The following DDX42 variants were observed in gnomAD, a reference collection of about 807,000 sequenced individuals.
The protein encoded by DDX42 is ATP-dependent RNA helicase DDX42.
In DDX42, 22 loss-of-function variants were observed where a neutral mutation model predicts 101.5. The observed-to-expected ratio is 0.22, with a 90% CI of 0.15 to 0.31. DDX42 has a LOEUF of 0.31. Ranked by LOEUF, DDX42 falls within the 10% of genes least tolerant of loss-of-function variation. The pLI, the probability that DDX42 is intolerant of heterozygous loss-of-function variation, is 1.00. For missense variants in DDX42, 849 were observed against 1,199.9 expected (o/e 0.71, Z 4.32); for synonymous variants, 402 against 401.2 (o/e 1.00, Z -0.02).
At chr17:63,792,236 A>G (rs1430038778) in intron 2 of DDX42, among the ~76,000 whole-genome samples, 176 bp from the exon 3 acceptor site, 1 of 152,164 alleles carries the variant, frequency 6.6e-6, no homozygotes. Flanking sequence ...GAAATTTTGC[A>G]TGTATTAAGT....
At chr17:63,777,429 A>C (rs1181682992) in intron 1 of DDX42, among the ~76,000 whole-genome samples, 1 of 151,708 alleles carries the variant, frequency 6.6e-6, no homozygotes, top group Non-Finnish European at 1.5e-5. Context: ...TTGAGGAAGG[A>C]GATGCCATTT....
chr17:63,806,489 T>G, intron 7 of DDX42, 46 bp from the exon 8 acceptor site: 1 of 1,566,924 alleles, frequency 6.4e-7, no homozygotes, highest in Non-Finnish European at 8.7e-7. Context: ...CAAATGCTGT[T>G]AATGTTGAAG....
chr17:63,789,546 C>CGTTTTTTTTTTTTTTTTTTTT lies in DDX42; in HGVS notation c.221+2276_221+2277insGTTTTTTTTTTTTTTTTTTTT, dbSNP rs138224520. On this transcript the variant is annotated intron_variant, in intron 2 of 17. Transcript: ENST00000389924. ...ATTGGAAAAAAAAGCTTCTAAAAGA[C>CGTTTTTTTTTTTTTTTTTTTT]TTTTTTGTTTTTGTTTTTGTTTTTG... Among the ~76,000 whole-genome samples the CGTTTTTTTTTTTTTTTTTTTT allele has an allele frequency of 1.6e-5, 2 of 121,850 alleles. 1 individual carries two copies. The allele number at this position is 121,850 out of a possible 152,430, so 79.9% of individuals were successfully genotyped here. A position where few individuals can be genotyped will look rare whatever the true frequency, so the allele number is the denominator to read the frequency against.
rs138074387 is a variant in DDX42 at position 63,810,824 on chromosome 17, G to A, written c.1301-252G>A. 3.0e-4 allele frequency among the ~76,000 whole-genome samples: 46 copies of A among 152,302 alleles called. 1 individual carries two copies. Among genetic ancestry groups the A allele is most frequent in the South Asian group, 1.5e-3 (7 of 4,820 alleles). On this transcript the variant is annotated intron_variant, in intron 12 of 17. Coordinates refer to ENST00000389924, the MANE Select transcript of DDX42 (RefSeq NM_203499.3). ...AGTTTTATCAGTGGGTAGAAGCAGT[G>A]TACAGTACAGATCTGCTGATTTGAA... is the stretch of plus-strand genomic sequence containing the variant.
At position 63,774,330 on chromosome 17, in the gene DDX42, C is replaced by G. The variant is rs2039387454; in HGVS notation, c.-63C>G. On this transcript the variant is annotated 5_prime_UTR_variant, in exon 1 of 18. Transcript: ENST00000389924. ...CGCGTACTTTGGGCTCCGGGATTCG[C>G]TCCGCGCCCGCGGTTGTAGCAGCTG... 1 of 258,434 alleles carries G rather than the reference C, an allele frequency of 3.9e-6. No homozygotes were observed. The highest frequency in any genetic ancestry group is 1.2e-4 in the South Asian group (1 of 8,106). 16.0% of individuals were successfully genotyped at this position (258,434 alleles called of 1,614,324 possible).
At chr17:63,801,287 T>G (rs1242560043) in intron 6 of DDX42, among the ~76,000 whole-genome samples, 1 of 151,428 alleles carries the variant, frequency 6.6e-6, no homozygotes, top group Non-Finnish European at 1.5e-5. Flanking sequence ...GCTCCTGACC[T>G]CAGGTGATCC....
Position 63,807,770 on chromosome 17 carries a change from A to G in DDX42, c.893A>G (p.Lys298Arg), listed in dbSNP as rs771096616. ...GGTAGAGACATGATTGGTATTGCCA[A>G]AACAGGTAGTGGGAAAACTGCAGCC... ...LSGRDMIGIA[K>R]TGSGKTAAFI... The change falls in exon 9 of 18, where the codon AAA becomes AGA. Residue 298 changes from lysine (K) to arginine (R), a missense_variant. Lys to Arg is a conservative substitution (Grantham distance 26, BLOSUM62 2). Around this residue, in one of 5 missense-constraint regions of DDX42, gnomAD observed 370 missense variants for 608.8 expected, o/e 0.61. Coordinates refer to ENST00000389924, the MANE Select transcript of DDX42 (RefSeq NM_203499.3). 1.7e-5 allele frequency: 28 copies of G among 1,613,994 alleles called. No homozygotes were observed. Among genetic ancestry groups the G allele is most frequent in the Non-Finnish European group, 2.4e-5 (28 of 1,180,026 alleles).
At chr17:63,808,226 G>A (rs1035707299) in intron 9 of DDX42, among the ~76,000 whole-genome samples, 3 of 152,104 alleles carry the variant, frequency 2.0e-5, no homozygotes, top group African/African-American at 4.8e-5. Flanking sequence ...TGCCCAGGCT[G>A]GAGTGCAGTG....
intron 1 of DDX42, among the ~76,000 whole-genome samples, chr17:63,784,029 A>C (rs2039518622): frequency 6.6e-6 from 1 of 152,118 alleles, no homozygotes; most frequent in South Asian, 2.1e-4. Context: ...GTACCACTGC[A>C]CTCCAGCCTG....
intron 4 of DDX42, 71 bp from the exon 5 acceptor site, chr17:63,799,518 T>C (rs1179345005): frequency 1.3e-6 from 2 of 1,565,178 alleles, no homozygotes; most frequent in Non-Finnish European, 1.7e-6. Flanking sequence ...TCAACACTAA[T>C]CTGCTGTAAG....
intron 1 of DDX42, among the ~76,000 whole-genome samples, chr17:63,782,623 A>T (rs2039502264): frequency 6.6e-6 from 1 of 152,136 alleles, no homozygotes; most frequent in South Asian, 2.1e-4. Flanking sequence ...ATCCTAATTG[A>T]TCTTTCCTCA....
intron 6 of DDX42, among the ~76,000 whole-genome samples, chr17:63,803,117 G>C (rs2039793011): frequency 2.6e-5 from 4 of 152,044 alleles, no homozygotes; most frequent in Admixed American, 2.6e-4. Flanking sequence ...TTTTCCAAAT[G>C]ATCAATGTAT....
chr17:63,817,008 C>T (rs1330406354), intron 17 of DDX42, 42 bp downstream of exon 17: 1 of 1,571,950 alleles, frequency 6.4e-7, no homozygotes, highest in African/African-American at 1.4e-5. Context: ...TCAGCAGTAA[C>T]TCTTGGGCAG....
intron 5 of DDX42, chr17:63,800,266 G>T: frequency 1.8e-6 from 1 of 540,830 alleles, no homozygotes; most frequent in Non-Finnish European, 3.2e-6. Flanking sequence ...ACATTTAATA[G>T]TACTAACTGT....
At position 63,811,177 on chromosome 17, in the gene DDX42, A is replaced by G. The variant is rs368381657; in HGVS notation, c.1398+4A>G. On this transcript the variant is annotated splice_donor_region_variant and intron_variant, in intron 13 of 17. Transcript: ENST00000389924. ...GGTGCAGGGAGATATTGGAGAGGTA[A>G]CCCTAAGCAGGGCTGGATGGGACCT... The G allele has an allele frequency of 1.4e-5, 23 of 1,610,978 alleles. No homozygotes were observed. The highest frequency in any genetic ancestry group is 1.9e-5 in the Non-Finnish European group (22 of 1,178,090).
intron 1 of DDX42, chr17:63,775,201 A>T (rs2039404626): frequency 6.5e-6 from 1 of 152,688 alleles, no homozygotes; most frequent in Non-Finnish European, 1.5e-5. Flanking sequence ...TGTTTCGTAC[A>T]AAAATTAATG....
intron 3 of DDX42, among the ~76,000 whole-genome samples, chr17:63,793,868 A>G (rs2039658940): frequency 1.3e-5 from 2 of 148,400 alleles, no homozygotes; most frequent in Non-Finnish European, 3.0e-5. Flanking sequence ...ATATATATAT[A>G]TATATATATA....
In DDX42 at chr17:63,818,048, G is replaced by C. The variant is rs1269642577; in HGVS notation, c.2467G>C (p.Glu823Gln). Residue 823 changes from glutamate to glutamine, a missense_variant, in exon 18 of 18, where the codon GAG becomes CAG. Glu to Gln is a conservative substitution (Grantham distance 29). Transcript: ENST00000389924. ...GGGCAGCAGCCGTCACAGTCACGGA[G>C]AGACTGGCAATCGGCATAGCGATAG... is the stretch of plus-strand genomic sequence containing the variant. ...NRGSSRHSHG[E>Q]TGNRHSDSPR... 1 of 1,614,032 alleles carries C rather than the reference G, an allele frequency of 6.2e-7. No homozygotes were observed. Among genetic ancestry groups the C allele is most frequent in the Admixed American group, 1.7e-5 (1 of 60,006 alleles).
intron 1 of DDX42, among the ~76,000 whole-genome samples, chr17:63,781,952 G>A (rs2039493291): frequency 6.6e-6 from 1 of 152,128 alleles, no homozygotes; most frequent in Admixed American, 6.5e-5. Flanking sequence ...AGAGCTTGCA[G>A]TGAGCCGAGA....
Sources: gnomAD v4.1 joint callset for allele counts (sites outside exome capture counted in the v4.1 genomes callset) on GRCh38, gnomAD v4.1.1 for gene constraint, gnomAD v4.1.1 regional missense constraint, MANE v1.5 for transcripts, NCBI Gene and HGNC (gene_info 2026-07-23, HGNC 2026-07-21) for gene names.